Variants in GRM8 observed in about 807,000 individuals in gnomAD.
The protein encoded by GRM8 is metabotropic glutamate receptor 8.
A neutral mutation model predicts 87.2 loss-of-function variants in GRM8; 47 were observed. That is an observed-to-expected ratio of 0.54 (90% confidence interval 0.43 to 0.69). The LOEUF (loss-of-function observed/expected upper bound fraction) is 0.69, where lower values mean the gene tolerates loss of function less well. Ranked by LOEUF, GRM8 falls within the 30% of genes least tolerant of loss-of-function variation. GRM8 has a pLI of 0.00. For synonymous variants in GRM8, 396 were observed against 404.5 expected (o/e 0.98, Z 0.25); for missense variants, 1,019 against 1,139.2 (o/e 0.89, Z 1.52).
intron 3 of GRM8, among the ~76,000 whole-genome samples, chr7:126,921,735 G>C (rs1804555070): frequency 6.6e-6 from 1 of 152,082 alleles, no homozygotes; most frequent in Non-Finnish European, 1.5e-5. Flanking sequence ...TATATCAAGT[G>C]TGTAGGTAGA....
chr7:127,223,079 T>C (rs2116730337), intron 2 of GRM8, among the ~76,000 whole-genome samples: 1 of 152,246 alleles, frequency 6.6e-6, no homozygotes, highest in African/African-American at 2.4e-5. Flanking sequence ...GCAGAGTAAA[T>C]GTTCTCTTCC....
intron 3 of GRM8, among the ~76,000 whole-genome samples, chr7:126,943,084 C>G (rs543861711): frequency 3.5e-4 from 53 of 152,272 alleles, no homozygotes; most frequent in African/African-American, 1.3e-3. Flanking sequence ...GGGCCTTTGG[C>G]TCTCTCTTTG....
intron 7 of GRM8, among the ~76,000 whole-genome samples, chr7:126,766,493 C>T (rs1044903652): frequency 1.3e-5 from 2 of 151,974 alleles, no homozygotes; most frequent in African/African-American, 4.8e-5. Flanking sequence ...TAAGTAATTC[C>T]ATCTAATGGG....
chr7:126,614,371 T>C (rs1015274292), intron 7 of GRM8, among the ~76,000 whole-genome samples: 12 of 152,112 alleles, frequency 7.9e-5, no homozygotes, highest in African/African-American at 2.9e-4. Flanking sequence ...CAAAACCACA[T>C]CTGTACATCA....
intron 2 of GRM8, among the ~76,000 whole-genome samples, chr7:127,182,959 G>A (rs536459129): frequency 1.3e-5 from 2 of 151,932 alleles, no homozygotes; most frequent in East Asian, 3.9e-4. Context: ...TACTGCTCGG[G>A]TGATGGATGA....
chr7:126,754,843 T>C (rs956059972), intron 7 of GRM8, among the ~76,000 whole-genome samples: 2 of 151,896 alleles, frequency 1.3e-5, no homozygotes, highest in Non-Finnish European at 2.9e-5. Flanking sequence ...AAACATTTTG[T>C]GTCTGGAGGC....
chr7:127,203,286 C>G (rs185709246), intron 2 of GRM8, among the ~76,000 whole-genome samples: 5 of 152,236 alleles, frequency 3.3e-5, no homozygotes, highest in Admixed American at 3.3e-4. Context: ...ATAAGGGGTG[C>G]AGGCATAGGG....
At chr7:126,713,921 T>G (rs1811419332) in intron 7 of GRM8, among the ~76,000 whole-genome samples, 1 of 151,726 alleles carries the variant, frequency 6.6e-6, no homozygotes, top group Non-Finnish European at 1.5e-5. Flanking sequence ...TTAAATTAAA[T>G]AAATAAATGC....
chr7:126,947,547 C>T (rs961635205), intron 3 of GRM8, among the ~76,000 whole-genome samples: 2 of 151,614 alleles, frequency 1.3e-5, no homozygotes, highest in East Asian at 1.9e-4. Context: ...TATATATGCA[C>T]ACACATACAC....
intron 7 of GRM8, among the ~76,000 whole-genome samples, chr7:126,738,511 C>T (rs1814504111): frequency 6.6e-6 from 1 of 151,524 alleles, no homozygotes. Context: ...AGATGAGAAA[C>T]TCAAGAGAAG....
chr7:126,932,560 A>G (rs981398850), intron 3 of GRM8, among the ~76,000 whole-genome samples: 5 of 152,172 alleles, frequency 3.3e-5, no homozygotes, highest in Non-Finnish European at 7.4e-5. Flanking sequence ...AGAGTACACT[A>G]TCTTGCTAGA....
chr7:126,725,208 G>A (rs1283453132), intron 7 of GRM8, among the ~76,000 whole-genome samples: 1 of 152,194 alleles, frequency 6.6e-6, no homozygotes, highest in Admixed American at 6.5e-5. Flanking sequence ...AAAGTGATCT[G>A]TGTGTCACTT....
intron 3 of GRM8, among the ~76,000 whole-genome samples, chr7:127,078,810 G>A (rs1479658836): frequency 6.6e-6 from 1 of 152,184 alleles, no homozygotes; most frequent in Non-Finnish European, 1.5e-5. Context: ...CTAAGGATAC[G>A]TGGTATAATT....
chr7:126,477,587 GAA>G (rs201502019), intron 9 of GRM8, among the ~76,000 whole-genome samples: 1 of 65,600 alleles, frequency 1.5e-5, no homozygotes, highest in Non-Finnish European at 2.9e-5. Flanking sequence ...AAGAGAGAAA[GAA>G]AGAAAGAAAG....
At chr7:126,968,322 C>T (rs1810078513) in intron 3 of GRM8, among the ~76,000 whole-genome samples, 1 of 152,170 alleles carries the variant, frequency 6.6e-6, no homozygotes. Flanking sequence ...GTCTTAACTG[C>T]AATGATTTCC....
intron 8 of GRM8, among the ~76,000 whole-genome samples, chr7:126,536,056 T>C (rs2150872918): frequency 6.6e-6 from 1 of 152,364 alleles, no homozygotes; most frequent in African/African-American, 2.4e-5. Flanking sequence ...TTGGAGTTAT[T>C]TGTTCTGCAA....
At chr7:126,634,740 A>C (rs1801680981) in intron 7 of GRM8, among the ~76,000 whole-genome samples, 1 of 152,160 alleles carries the variant, frequency 6.6e-6, no homozygotes, top group Non-Finnish European at 1.5e-5. Context: ...TAATATTATC[A>C]AATGATTATT....
intron 6 of GRM8, among the ~76,000 whole-genome samples, chr7:126,873,361 A>C (rs145478196): frequency 2.0e-5 from 3 of 152,302 alleles, no homozygotes; most frequent in Non-Finnish European, 4.4e-5. Flanking sequence ...ACTTATTTTA[A>C]TAACTGAAGG....
intron 9 of GRM8, among the ~76,000 whole-genome samples, chr7:126,495,483 T>G (rs1808592455): frequency 1.3e-5 from 2 of 151,998 alleles, no homozygotes. Context: ...CCTTTTATCA[T>G]TTTTATTCTA....
Sources: allele counts gnomAD v4.1 joint callset (sites outside exome capture counted in the v4.1 genomes callset), GRCh38; gene constraint gnomAD v4.1.1; transcripts MANE v1.5; gene names NCBI Gene and HGNC (gene_info 2026-07-23, HGNC 2026-07-21).